The following TACR3 variants were observed in gnomAD, a reference collection of about 807,000 sequenced individuals.
TACR3 encodes the protein tachykinin receptor 3.
In TACR3, 34 loss-of-function variants were observed where a neutral mutation model predicts 35.0. The observed-to-expected ratio is 0.97, with a 90% confidence interval of 0.74 to 1.30. The LOEUF (loss-of-function observed/expected upper bound fraction) is 1.30, where lower values mean the gene tolerates loss of function less well. Among genes scored for constraint, TACR3 ranks in the 50% most tolerant of loss-of-function variants. TACR3 has a pLI of 0.00. For missense variants in TACR3, 558 were observed against 591.7 expected, an observed-to-expected ratio of 0.94 and a Z score of 0.59; for synonymous variants, 233 against 221.1, an observed-to-expected ratio of 1.05 and a Z score of -0.48.
chr4:103,600,276 G>A (rs562820939), intron 3 of TACR3, among the ~76,000 whole-genome samples: 1 of 152,152 alleles, frequency 6.6e-6, no homozygotes, highest in Admixed American at 6.5e-5. Context: ...ATGGTAGTTT[G>A]TATTCCTGTG....
chr4:103,694,612 G>A (rs2110218957), intron 1 of TACR3, among the ~76,000 whole-genome samples: 1 of 152,236 alleles, frequency 6.6e-6, no homozygotes, highest in African/African-American at 2.4e-5. Flanking sequence ...CTTCTGCTGT[G>A]CTTCTTCCTT....
At chr4:103,716,215 T>TTGTGTGTGTGTGTGTGTGTGTG (rs56790385) in intron 1 of TACR3, among the ~76,000 whole-genome samples, 2 of 143,234 alleles carry the variant, frequency 1.4e-5, no homozygotes, top group Non-Finnish European at 3.1e-5. Context: ...TAATTTTATC[T>TTGTGTGTGTGTGTGTGTGTGTG]TGTGTGTGTG....
At chr4:103,639,113 T>A (rs1648384082) in intron 3 of TACR3, among the ~76,000 whole-genome samples, 1 of 152,072 alleles carries the variant, frequency 6.6e-6, no homozygotes, top group Non-Finnish European at 1.5e-5. Context: ...GGATTATAAA[T>A]CATGCTGCTA....
chr4:103,702,093 T>G lies in TACR3; in HGVS notation c.548+17035A>C, dbSNP rs190767680. ...AGAGCTTCAGCACAGCAAAAGAAACTACCATCAGAGTGAATAGGCAACCTA... is the reference window on the plus strand; with the variant it reads ...AGAGCTTCAGCACAGCAAAAGAAACGACCATCAGAGTGAATAGGCAACCTA... On this transcript the variant is annotated intron_variant, in intron 1 of 4. Transcript: ENST00000304883. Among the ~76,000 whole-genome samples the G allele has an allele frequency of 8.1e-3, 1,230 of 152,184 alleles. 20 individuals are homozygous for G. Among genetic ancestry groups the G allele is most frequent in the African/African-American group, 0.028 (1,177 of 41,510 alleles).
chr4:103,595,722 T>A (rs926372209), intron 3 of TACR3, among the ~76,000 whole-genome samples: 7 of 152,124 alleles, frequency 4.6e-5, no homozygotes, highest in African/African-American at 1.4e-4. Flanking sequence ...CTTTTTTTTT[T>A]AATTTTGGCA....
chr4:103,715,942 T>C (rs772471693), intron 1 of TACR3, among the ~76,000 whole-genome samples: 4 of 152,148 alleles, frequency 2.6e-5, no homozygotes, highest in Non-Finnish European at 4.4e-5. Context: ...TTTAAACTAG[T>C]ACTAAATTCT....
chr4:103,602,550 G>A (rs573242424), intron 3 of TACR3, among the ~76,000 whole-genome samples: 8 of 151,632 alleles, frequency 5.3e-5, no homozygotes, highest in South Asian at 2.1e-4. Flanking sequence ...TGATGGTGAC[G>A]TACAGATGGG....
intron 3 of TACR3, among the ~76,000 whole-genome samples, chr4:103,638,559 G>T (rs1460821230): frequency 3.3e-5 from 5 of 152,000 alleles, no homozygotes; most frequent in Admixed American, 1.3e-4. Flanking sequence ...AACACCAAAA[G>T]CAATGGCAAC....
At chr4:103,672,668 G>C (rs753652245) in intron 1 of TACR3, among the ~76,000 whole-genome samples, 31 of 152,100 alleles carry the variant, frequency 2.0e-4, no homozygotes, top group Non-Finnish European at 4.3e-4. Flanking sequence ...AAGGGCCCTA[G>C]GATTTTTGGA....
intron 1 of TACR3, among the ~76,000 whole-genome samples, chr4:103,718,779 G>A (rs1483271759): frequency 2.0e-5 from 3 of 152,130 alleles, no homozygotes; most frequent in African/African-American, 7.2e-5. Context: ...CATAAATTTT[G>A]TTCAAAAGTC....
chr4:103,628,096 A>G (rs113100004), intron 3 of TACR3, among the ~76,000 whole-genome samples: 4,005 of 152,280 alleles, frequency 0.026, 178 homozygotes, highest in African/African-American at 0.093. Flanking sequence ...GTTGAAACTA[A>G]TGAGAAAAAA....
chr4:103,699,872 CAGAT>C (rs141780425), intron 1 of TACR3, among the ~76,000 whole-genome samples: 23,012 of 151,906 alleles, frequency 0.15, 2,235 homozygotes, highest in East Asian at 0.43. Flanking sequence ...CTCAGACACT[CAGAT>C]GGCGATGTTG....
chr4:103,701,751 C>A (rs1027756902), intron 1 of TACR3, among the ~76,000 whole-genome samples: 1 of 152,122 alleles, frequency 6.6e-6, no homozygotes, highest in Non-Finnish European at 1.5e-5. Context: ...TGCCACATAT[C>A]TACAACTATC....
At chr4:103,679,433 T>C (rs1050226492) in intron 1 of TACR3, among the ~76,000 whole-genome samples, 2 of 152,150 alleles carry the variant, frequency 1.3e-5, no homozygotes, top group African/African-American at 4.8e-5. Context: ...ATCTGATTCC[T>C]ATAAACCATA....
At chr4:103,680,978 C>A (rs943480912) in intron 1 of TACR3, among the ~76,000 whole-genome samples, 10 of 151,762 alleles carry the variant, frequency 6.6e-5, no homozygotes, top group African/African-American at 2.4e-4. Flanking sequence ...TCTAAGCTTT[C>A]TCTTTCTTCC....
intron 1 of TACR3, among the ~76,000 whole-genome samples, chr4:103,695,137 A>T (rs1196370555): frequency 6.6e-6 from 1 of 152,224 alleles, no homozygotes; most frequent in Admixed American, 6.5e-5. Flanking sequence ...TTGGAATTAC[A>T]GTGAAACTAA....
chr4:103,714,649 A>G (rs982212064), intron 1 of TACR3, among the ~76,000 whole-genome samples: 1 of 152,204 alleles, frequency 6.6e-6, no homozygotes, highest in Non-Finnish European at 1.5e-5. Context: ...AAGTATAACT[A>G]TAACACTAAT....
At chr4:103,607,925 C>T (rs899557817) in intron 3 of TACR3, among the ~76,000 whole-genome samples, 2 of 152,012 alleles carry the variant, frequency 1.3e-5, no homozygotes, top group Admixed American at 1.3e-4. Context: ...GAATGTTGCT[C>T]AAAGTTTTAG....
intron 3 of TACR3, among the ~76,000 whole-genome samples, chr4:103,637,787 A>G (rs1725228487): frequency 1.3e-5 from 2 of 152,150 alleles, no homozygotes; most frequent in South Asian, 4.1e-4. Context: ...ATTCTTATAC[A>G]CCAATAACAG....
Sources: allele counts gnomAD v4.1 joint callset (sites outside exome capture counted in the v4.1 genomes callset), GRCh38; gene constraint gnomAD v4.1.1; transcripts MANE v1.5; gene names NCBI Gene and HGNC (gene_info 2026-07-23, HGNC 2026-07-21).